Variants in FYB2 observed in about 807,000 individuals in gnomAD.
FYB2 encodes the protein FYN-binding protein 2.
Under a neutral mutation model 94.1 loss-of-function variants are expected in FYB2, and 103 were observed. The ratio of observed to expected loss-of-function variants is 1.09; its 90% CI spans 0.93 to 1.29. FYB2 has a LOEUF of 1.29. Among genes scored for constraint, FYB2 ranks in the 50% most tolerant of loss-of-function variants. The pLI, the probability that FYB2 is intolerant of heterozygous loss-of-function variation, is 0.00. For synonymous variants in FYB2, 293 were observed against 287.9 expected, an observed-to-expected ratio of 1.02 and a Z score of -0.18; for missense variants, 896 against 841.5, an observed-to-expected ratio of 1.06 and a Z score of -0.80.
At chr1:56,725,751 C>T (rs1324813943) in intron 16 of FYB2, among the ~76,000 whole-genome samples, 1 of 152,088 alleles carries the variant, frequency 6.6e-6, no homozygotes, top group East Asian at 1.9e-4. Context: ...GAATCTCAGA[C>T]ACTAATGTCT....
chr1:56,789,133 T>C lies in FYB2; in HGVS notation c.759A>G (p.Glu253=). The change falls in exon 3 of 20, where the codon GAA becomes GAG. Residue 253 remains glutamate, a splice_region_variant and synonymous_variant. Transcript: ENST00000343433. ...GGTGATGCCTGACATCTGGCTGTTT[T>C]TCTGAACACAAGACAGTAAAAAATG... is the stretch of plus-strand genomic sequence containing the variant. ...YECELASQAP[E]KQPDVRHHHL... 1 of 1,578,890 alleles carries C rather than the reference T, an allele frequency of 6.3e-7. No homozygotes were observed. Among genetic ancestry groups the C allele is most frequent in the South Asian group, 1.2e-5 (1 of 84,510 alleles).
rs575087107 is a variant in FYB2 at position 56,721,787 on chromosome 1, T to C, written c.1975-1458A>G. Among the ~76,000 whole-genome samples, 4 of 152,260 alleles carry C rather than the reference T, an allele frequency of 2.6e-5. No individual in the cohort carries two copies. The South Asian group carries it at 8.3e-4, about 32-fold the overall frequency. ...TAACCACTTCACATGAAGACTGTTA[T>C]GACTGCCATATATAATTTACTGTCT... On this transcript the variant is annotated intron_variant, in intron 17 of 19. Coordinates refer to ENST00000343433, the MANE Select transcript of FYB2 (RefSeq NM_001004303.5).
At chr1:56,722,058 A>G (rs1433854981) in intron 17 of FYB2, among the ~76,000 whole-genome samples, 1 of 152,090 alleles carries the variant, frequency 6.6e-6, no homozygotes, top group South Asian at 2.1e-4. Flanking sequence ...ACATGAAACA[A>G]TAAAAAACAC....
intron 11 of FYB2, among the ~76,000 whole-genome samples, chr1:56,743,656 G>A (rs1230364633): frequency 6.6e-6 from 1 of 151,954 alleles, no homozygotes; most frequent in African/African-American, 2.4e-5. Flanking sequence ...AGGTCTGTAG[G>A]GGTAGGTTAG....
At chr1:56,771,733 G>A (rs1645760616) in intron 4 of FYB2, among the ~76,000 whole-genome samples, 1 of 152,056 alleles carries the variant, frequency 6.6e-6, no homozygotes, top group Admixed American at 6.6e-5. Context: ...ACCTCTGAAC[G>A]TTAATACAAA....
intron 13 of FYB2, among the ~76,000 whole-genome samples, chr1:56,740,047 G>A (rs1644915841): frequency 1.3e-5 from 2 of 152,032 alleles, no homozygotes; most frequent in African/African-American, 2.4e-5. Context: ...TGCTGTGGGT[G>A]TATAAAGGAA....
At position 56,747,951 on chromosome 1, in the gene FYB2, G is replaced by A. The variant is rs370255505; in HGVS notation, c.1387+3093C>T. Among the ~76,000 whole-genome samples, 44 of 152,198 alleles carry A rather than the reference G, an allele frequency of 2.9e-4. No individual in the cohort carries two copies. The East Asian group carries it at 5.8e-3, about 20-fold the overall frequency. On this transcript the variant is annotated intron_variant, in intron 9 of 19. Transcript: ENST00000343433. ...TTTGATAACTGTCATTCTAACTGGC[G>A]TGAGATGGTATCTCATTGTGGTTTT...
chr1:56,804,912 C>G (rs779503851), intron 1 of FYB2, among the ~76,000 whole-genome samples: 2 of 152,140 alleles, frequency 1.3e-5, no homozygotes, highest in Non-Finnish European at 2.9e-5. Flanking sequence ...CATTTCCCAC[C>G]ACTTCCTGCC....
intron 4 of FYB2, among the ~76,000 whole-genome samples, chr1:56,774,437 T>G (rs1011413058): frequency 6.6e-6 from 1 of 152,150 alleles, no homozygotes; most frequent in Non-Finnish European, 1.5e-5. Context: ...ATTTTCCCTT[T>G]TACAATTCTA....
At chr1:56,740,851 G>A (rs1644935973) in intron 12 of FYB2, 56 bp from the exon 13 acceptor site, 2 of 1,181,066 alleles carry the variant, frequency 1.7e-6, no homozygotes, top group Non-Finnish European at 2.4e-6. Context: ...ACTAGAGATA[G>A]AAGGCTGTTG....
intron 1 of FYB2, among the ~76,000 whole-genome samples, chr1:56,818,504 A>ACG (rs1646937817): frequency 6.6e-6 from 1 of 151,488 alleles, no homozygotes; most frequent in African/African-American, 2.4e-5. Context: ...ACACACATGC[A>ACG]CACGCACATC....
At chr1:56,811,369 C>T (rs781315783) in intron 1 of FYB2, among the ~76,000 whole-genome samples, 1 of 152,178 alleles carries the variant, frequency 6.6e-6, no homozygotes, top group Non-Finnish European at 1.5e-5. Flanking sequence ...CTTTCCCTCC[C>T]TTCCCACCTG....
At chr1:56,733,580 A>C (rs538074423) in intron 15 of FYB2, among the ~76,000 whole-genome samples, 1 of 152,030 alleles carries the variant, frequency 6.6e-6, no homozygotes. Context: ...AGTGGTATAA[A>C]TTTCCCTCTA....
chr1:56,796,435 A>G lies in FYB2; in HGVS notation c.10-3632T>C, dbSNP rs554244886. Among the ~76,000 whole-genome samples the G allele has an allele frequency of 3.6e-3, 551 of 152,188 alleles. 2 individuals are homozygous for G. Among genetic ancestry groups the G allele is most frequent in the African/African-American group, 0.012 (514 of 41,526 alleles). On this transcript the variant is annotated intron_variant, in intron 1 of 19. Transcript: ENST00000343433. ...GATCTGAACTCTTAAGCAGCCCGTG[A>G]GCACCTCCCTTCGATTCTTCCTCAC...
At chr1:56,773,386 T>C (rs951723619) in intron 4 of FYB2, among the ~76,000 whole-genome samples, 14 of 152,208 alleles carry the variant, frequency 9.2e-5, no homozygotes, top group Admixed American at 6.5e-5. Flanking sequence ...AGTGAGATTA[T>C]TAATCACATT....
intron 11 of FYB2, among the ~76,000 whole-genome samples, chr1:56,743,047 T>C (rs1378878508): frequency 2.0e-5 from 3 of 152,086 alleles, no homozygotes; most frequent in African/African-American, 7.2e-5. Context: ...ATGTATTCAT[T>C]ACCTCACATA....
chr1:56,754,825 T>C (rs1386564016), intron 7 of FYB2, among the ~76,000 whole-genome samples: 2 of 152,036 alleles, frequency 1.3e-5, no homozygotes, highest in Non-Finnish European at 2.9e-5. Context: ...ATCTGAAGAG[T>C]AAAAGCTCAA....
At chr1:56,783,894 G>A (rs1223040586) in intron 4 of FYB2, among the ~76,000 whole-genome samples, 1 of 152,126 alleles carries the variant, frequency 6.6e-6, no homozygotes, top group Non-Finnish European at 1.5e-5. Flanking sequence ...AAAGTTCTGA[G>A]CATAGATTCT....
intron 8 of FYB2, among the ~76,000 whole-genome samples, chr1:56,753,032 T>C (rs764313809): frequency 1.9e-4 from 29 of 152,082 alleles, no homozygotes; most frequent in Non-Finnish European, 3.2e-4. Flanking sequence ...TGATGCTCTC[T>C]GAACACCCAA....
Sources: allele counts gnomAD v4.1 joint callset (sites outside exome capture counted in the v4.1 genomes callset), GRCh38; gene constraint gnomAD v4.1.1; transcripts MANE v1.5; gene names NCBI Gene and HGNC (gene_info 2026-07-23, HGNC 2026-07-21).